Variants in OPA1 observed in about 807,000 individuals in gnomAD.
OPA1 encodes OPA1 mitochondrial dynamin like GTPase, also known as dynamin-like GTPase OPA1, mitochondrial.
In OPA1, 59 loss-of-function variants were observed where a neutral mutation model predicts 152.9. That is an observed-to-expected ratio of 0.39 (90% confidence interval 0.31 to 0.48). The LOEUF is 0.48. Ranked by LOEUF, OPA1 falls within the 20% of genes least tolerant of loss-of-function variation. The pLI is 0.96. For missense variants in OPA1, 1,008 were observed against 1,216.8 expected (o/e 0.83, Z 2.55); for synonymous variants, 400 against 389.9 (o/e 1.03, Z -0.31).
intron 1 of OPA1, among the ~76,000 whole-genome samples, chr3:193,605,811 G>A (rs1239691956): frequency 1.3e-5 from 2 of 152,146 alleles, no homozygotes; most frequent in Non-Finnish European, 2.9e-5. Flanking sequence ...TAATTGGATG[G>A]GTTCAGATAT....
chr3:193,668,771 A>C, intron 29 of OPA1: 11 of 1,219,042 alleles, frequency 9.0e-6, no homozygotes, highest in East Asian at 1.0e-4. Flanking sequence ...CCTACTAATA[A>C]TCACTTTGTC....
At chr3:193,645,862 T>C (rs1734507446) in intron 18 of OPA1, 62 bp downstream of exon 18, 1 of 1,290,082 alleles carries the variant, frequency 7.8e-7, no homozygotes, top group South Asian at 1.2e-5. Flanking sequence ...AATTGAACTG[T>C]TTTCACTTAA....
At chr3:193,608,812 C>G (rs1727697022) in intron 1 of OPA1, among the ~76,000 whole-genome samples, 2 of 152,024 alleles carry the variant, frequency 1.3e-5, no homozygotes, top group Non-Finnish European at 2.9e-5. Flanking sequence ...GTGTTAAAGT[C>G]TCCCATTATT....
intron 23 of OPA1, among the ~76,000 whole-genome samples, chr3:193,657,515 T>A (rs922944817): frequency 1.3e-5 from 2 of 152,214 alleles, no homozygotes; most frequent in African/African-American, 4.8e-5. Flanking sequence ...TTAGCCATTT[T>A]ATGGGCCTGT....
In OPA1 at chr3:193,657,147, A is replaced by T; in HGVS notation, c.2246A>T (p.Asp749Val). The T allele has an allele frequency of 6.2e-7, 1 of 1,613,950 alleles. No homozygotes were observed. The highest frequency in any genetic ancestry group is 8.5e-7 in the Non-Finnish European group (1 of 1,179,892). ...FMTEPKGKEHDDIFDKLKEAV... is the reference protein window; with the variant it reads ...FMTEPKGKEHVDIFDKLKEAV... ...ACAGAACCGAAAGGGAAAGAGCATGATGACATATTTGATAAACTTAAAGAG... is the reference window on the plus strand; with the variant it reads ...ACAGAACCGAAAGGGAAAGAGCATGTTGACATATTTGATAAACTTAAAGAG... The change falls in exon 23 of 31, where the codon GAT (aspartate) becomes GTT (valine). Residue 749 changes from aspartate (D) to valine (V), a missense_variant. This residue lies in a region of OPA1 where 229 missense variants were observed against 269.0 expected (regional missense o/e 0.85). Coordinates refer to ENST00000361510, the MANE Select transcript of OPA1 (RefSeq NM_130837.3).
At chr3:193,593,435 C>G (rs756460175) in intron 1 of OPA1, 26 bp downstream of exon 1, 3 of 1,516,456 alleles carry the variant, frequency 2.0e-6, no homozygotes, top group African/African-American at 1.4e-5. Flanking sequence ...AATCTGGCCC[C>G]GTTAATTCTG....
intron 2 of OPA1, 63 bp downstream of exon 2, chr3:193,615,104 A>C: frequency 7.6e-7 from 1 of 1,307,918 alleles, no homozygotes; most frequent in Non-Finnish European, 1.1e-6. Context: ...CTATAGCATA[A>C]ATCATTTTTG....
At chr3:193,629,811 T>C (rs1237833144) in intron 7 of OPA1, among the ~76,000 whole-genome samples, 1 of 152,234 alleles carries the variant, frequency 6.6e-6, no homozygotes, top group Non-Finnish European at 1.5e-5. Context: ...TGTTTAATTG[T>C]ATTAGTTTTT....
chr3:193,662,865 A>C lies in OPA1; in HGVS notation c.2564A>C (p.Lys855Thr). 1 of 1,613,510 alleles carries C rather than the reference A, an allele frequency of 6.2e-7. No homozygotes were observed. The highest frequency in any genetic ancestry group is 8.5e-7 in the Non-Finnish European group (1 of 1,179,526). The change falls in exon 26 of 31, where the codon AAA becomes ACA. Residue 855 changes from lysine to threonine, a missense_variant. Around this residue, in one of 7 missense-constraint regions of OPA1, gnomAD observed 229 missense variants for 269.0 expected, o/e 0.85. Transcript: ENST00000361510. Reference sequence around the variant, plus strand: ...AAGAATGAATTGGAGAAGATGTTGAAATGTAATGAGGAGCACCCAGCTTAT... The same window carrying C: ...AAGAATGAATTGGAGAAGATGTTGACATGTAATGAGGAGCACCCAGCTTAT... Reference protein sequence around the residue: ...ETKNELEKMLKCNEEHPAYLA... With the variant: ...ETKNELEKMLTCNEEHPAYLA...
intron 1 of OPA1, among the ~76,000 whole-genome samples, chr3:193,602,889 C>T (rs925190185): frequency 6.6e-6 from 1 of 152,216 alleles, no homozygotes; most frequent in African/African-American, 2.4e-5. Context: ...ACAGCATCAG[C>T]TTTCCTACAT....
At chr3:193,654,810 T>TA in intron 21 of OPA1, 52 bp from the exon 22 acceptor site, 3 of 1,572,042 alleles carry the variant, frequency 1.9e-6, no homozygotes, top group Non-Finnish European at 2.6e-6. Context: ...AAGCTGTTTT[T>TA]AAAAACAATA....
At chr3:193,688,469 TTTTTTTTTTTTTTTTTTTTTTTTTTTTG>T (rs1721237218) in intron 29 of OPA1, among the ~76,000 whole-genome samples, 5 of 41,776 alleles carry the variant, frequency 1.2e-4, no homozygotes, top group African/African-American at 7.1e-4. Context: ...TTTTTTTTTT[TTTTTTTTTTTTTTTTTTTTTTTTTTTTG>T]AGACAGAGTC....
At chr3:193,621,065 A>G (rs1013761333) in intron 6 of OPA1, among the ~76,000 whole-genome samples, 1 of 152,266 alleles carries the variant, frequency 6.6e-6, no homozygotes, top group Non-Finnish European at 1.5e-5. Context: ...TTTAAACAGT[A>G]TTTAGAATTT....
intron 8 of OPA1, among the ~76,000 whole-genome samples, chr3:193,634,282 CAA>C (rs34565427): frequency 2.0e-5 from 3 of 148,558 alleles, no homozygotes; most frequent in African/African-American, 7.4e-5. Flanking sequence ...CAACTACTTA[CAA>C]AAAAAAAACC....
intron 1 of OPA1, among the ~76,000 whole-genome samples, chr3:193,605,579 CA>C (rs1276945914): frequency 1.3e-5 from 2 of 152,066 alleles, no homozygotes; most frequent in South Asian, 2.1e-4. Context: ...TTCGAAAGAT[CA>C]GGGGTATTAC....
At chr3:193,612,711 C>CTGGAGTCCCTGAAGA (rs1728442809) in intron 1 of OPA1, among the ~76,000 whole-genome samples, 1 of 152,174 alleles carries the variant, frequency 6.6e-6, no homozygotes, top group Non-Finnish European at 1.5e-5. Context: ...GTAAAATTAG[C>CTGGAGTCCCTGAAGA]TGGAGTCCCT....
intron 6 of OPA1, among the ~76,000 whole-genome samples, chr3:193,620,060 C>G (rs1729773577): frequency 1.3e-5 from 2 of 151,960 alleles, no homozygotes; most frequent in Admixed American, 6.6e-5. Context: ...CTTGATTGTT[C>G]ATGCTACTGG....
At chr3:193,686,273 T>G (rs1560076881) in intron 29 of OPA1, among the ~76,000 whole-genome samples, 2 of 152,212 alleles carry the variant, frequency 1.3e-5, no homozygotes, top group African/African-American at 2.4e-5. Flanking sequence ...ACCCAGCGTT[T>G]ACAGGCCCCA....
intron 1 of OPA1, among the ~76,000 whole-genome samples, chr3:193,595,129 AAAG>A (rs1283877196): frequency 6.6e-6 from 1 of 152,192 alleles, no homozygotes; most frequent in Middle Eastern, 3.2e-3. Context: ...TTAGCTACCT[AAAG>A]AAGTAGAGAT....
Sources: allele counts gnomAD v4.1 joint callset (sites outside exome capture counted in the v4.1 genomes callset), GRCh38; gene constraint gnomAD v4.1.1; regional missense constraint gnomAD v4.1.1; transcripts MANE v1.5; gene names NCBI Gene and HGNC (gene_info 2026-07-23, HGNC 2026-07-21).